Variants in TMEM70 observed in about 807,000 individuals in gnomAD.
The protein encoded by TMEM70 is transmembrane protein 70, mitochondrial.
In TMEM70, 15 loss-of-function variants were observed where a neutral mutation model predicts 20.5. The ratio of observed to expected loss-of-function variants is 0.73; its 90% CI spans 0.49 to 1.13. The LOEUF is 1.13. Among genes scored for constraint, TMEM70 ranks in the 50% most tolerant of loss-of-function variants. The pLI, the probability that TMEM70 is intolerant of heterozygous loss-of-function variation, is 0.00. For synonymous variants in TMEM70, 141 were observed against 134.2 expected (o/e 1.05, Z -0.35); for missense variants, 344 against 331.7 (o/e 1.04, Z -0.29).
chr8:73,982,189 T>C lies in TMEM70; in HGVS notation c.*568T>C, dbSNP rs1199400390. 1 of 551,554 alleles carries C rather than the reference T, an allele frequency of 1.8e-6. No individual in the cohort carries two copies. The highest frequency in any genetic ancestry group is 1.4e-5 in the South Asian group (1 of 72,350). The allele number at this position is 551,554 out of a possible 1,614,324, so 34.2% of individuals were successfully genotyped here. ...GAGGTGGCAATTCACCGAATTCATA[T>C]CACTCTAACGAGTTGCAACGTAAAA... On this transcript the variant is annotated 3_prime_UTR_variant, in exon 3 of 3. Coordinates refer to ENST00000312184, the MANE Select transcript of TMEM70 (RefSeq NM_017866.6).
chr8:73,981,344 G>A lies in TMEM70; in HGVS notation c.506G>A (p.Arg169Gln), dbSNP rs752198525. ...LHFITKGYVI[R>Q]LYHEATTDTY... Reference sequence around the variant, plus strand: ...TTTATTACAAAAGGCTATGTCATTCGATTGTACCATGAGGCCACAACAGAC... The same window carrying A: ...TTTATTACAAAAGGCTATGTCATTCAATTGTACCATGAGGCCACAACAGAC... Residue 169 changes from arginine (R) to glutamine (Q), a missense_variant, in exon 3 of 3, where the codon CGA (arginine) becomes CAA (glutamine). Physicochemically the swap from Arg to Gln is conservative, Grantham distance 43. Transcript: ENST00000312184. 9.3e-6 allele frequency: 15 copies of A among 1,614,034 alleles called. No individual in the cohort carries two copies. The highest frequency in any genetic ancestry group is 4.5e-5 in the East Asian group (2 of 44,894).
In TMEM70 at chr8:73,978,864, A is replaced by G. The variant is rs764524421; in HGVS notation, c.316+3A>G. 1 of 1,613,932 alleles carries G rather than the reference A, an allele frequency of 6.2e-7. No homozygotes were observed. The highest frequency in any genetic ancestry group is 1.1e-5 in the South Asian group (1 of 91,060). ...CAATATGGCCCGAGCAGTGTTTGGT[A>G]AGTAATTGGAGGTGGGTGTACTTAC... On this transcript the variant is annotated splice_donor_region_variant and intron_variant, in intron 2 of 2. Coordinates refer to ENST00000312184, the MANE Select transcript of TMEM70 (RefSeq NM_017866.6).
At chr8:73,980,255 A>C (rs1226211475) in intron 2 of TMEM70, among the ~76,000 whole-genome samples, 7 of 152,036 alleles carry the variant, frequency 4.6e-5, no homozygotes, top group Admixed American at 1.3e-4. Context: ...AGCCTGGCTA[A>C]TTTTTGTATT....
Position 73,981,470 on chromosome 8 carries a change from C to T in TMEM70, c.632C>T (p.Thr211Ile). 1 of 1,614,146 alleles carries T rather than the reference C, an allele frequency of 6.2e-7. No homozygotes were observed. Among genetic ancestry groups the T allele is most frequent in the Non-Finnish European group, 8.5e-7 (1 of 1,180,000 alleles). Residue 211 changes from threonine to isoleucine, a missense_variant, in exon 3 of 3, where the codon ACA becomes ATA. Coordinates refer to ENST00000312184, the MANE Select transcript of TMEM70 (RefSeq NM_017866.6). ...CCAGATGCTAAACATGTATTTACCA[C>T]ATTTTATGCTAAAACAAAATCACTG... The part of the protein sequence containing the change: ...KIPDAKHVFT[T>I]FYAKTKSLLV...
rs371606877 is a variant in TMEM70, at chr8:73,976,267, C to G, written c.-15C>G. The stretch of plus-strand genomic sequence containing the variant: ...CGTGCAGCTGGGGCGTCCGCAGCCG[C>G]TCGTCACCCGCGTGATGCTGTTTCT... On this transcript the variant is annotated 5_prime_UTR_variant, in exon 1 of 3. Coordinates refer to ENST00000312184, the MANE Select transcript of TMEM70 (RefSeq NM_017866.6). 136 of 1,597,820 alleles carry G rather than the reference C, an allele frequency of 8.5e-5. No individual in the cohort carries two copies. Among genetic ancestry groups the G allele is most frequent in the Non-Finnish European group, 1.5e-5 (18 of 1,178,676 alleles).
Position 73,982,344 on chromosome 8 carries a change from C to T in TMEM70, c.*723C>T, listed in dbSNP as rs757594797. On this transcript the variant is annotated 3_prime_UTR_variant, in exon 3 of 3. Coordinates refer to ENST00000312184, the MANE Select transcript of TMEM70 (RefSeq NM_017866.6). ...AAAACTTACGGTGAAGGTTCTAAGG[C>T]ATGGGATCGTTTCCAGATGAGAATC... 14 of 702,190 alleles carry T rather than the reference C, an allele frequency of 2.0e-5. No individual in the cohort carries two copies. Among genetic ancestry groups the T allele is most frequent in the African/African-American group, 1.4e-4 (8 of 57,896 alleles). The allele number at this position is 702,190 out of a possible 1,614,324, so 43.5% of individuals were successfully genotyped here.
At chr8:73,977,521 A>C (rs1003694183) in intron 1 of TMEM70, among the ~76,000 whole-genome samples, 1 of 152,208 alleles carries the variant, frequency 6.6e-6, no homozygotes, top group Non-Finnish European at 1.5e-5. Context: ...TAAGAGGACC[A>C]GGGGATACAC....
At chr8:73,979,718 C>T (rs1250222225) in intron 2 of TMEM70, among the ~76,000 whole-genome samples, 1 of 151,680 alleles carries the variant, frequency 6.6e-6, no homozygotes, top group African/African-American at 2.4e-5. Flanking sequence ...GTGATCCTCC[C>T]ACCTCAGCCT....
chr8:73,981,003 A>G, intron 2 of TMEM70, 152 bp from the exon 3 acceptor site: 1 of 685,616 alleles, frequency 1.5e-6, no homozygotes, highest in Admixed American at 2.7e-5. Context: ...TCCTTAAAAC[A>G]GAGCTTAGAA....
intron 1 of TMEM70, 26 bp from the exon 2 acceptor site, chr8:73,978,730 G>T: frequency 1.2e-6 from 2 of 1,608,794 alleles, no homozygotes; most frequent in South Asian, 2.2e-5. Context: ...AAGGTTAGTT[G>T]ACCATAATGA....
Position 73,976,439 on chromosome 8 carries a change from G to C in TMEM70, c.158G>C (p.Ser53Thr), listed in dbSNP as rs1815650246. ...SGPSGPVAGW[S>T]TGPSGAARLL... is the part of the protein sequence containing the mutation. ...CCTTCGGGGCCGGTAGCCGGCTGGA[G>C]TACGGGGCCTTCGGGAGCCGCGCGC... Residue 53 changes from serine (S) to threonine (T), a missense_variant, in exon 1 of 3, where the codon AGT (serine) becomes ACT (threonine). Transcript: ENST00000312184. 2.6e-6 allele frequency: 4 copies of C among 1,568,444 alleles called. No homozygotes were observed. The highest frequency in any genetic ancestry group is 1.3e-5 in the African/African-American group (1 of 74,296).
chr8:73,982,708 C>G lies in TMEM70; in HGVS notation c.*1087C>G, dbSNP rs550124331. The G allele has an allele frequency of 8.8e-6, 4 of 456,582 alleles. No homozygotes were observed. The highest frequency in any genetic ancestry group is 8.0e-5 in the African/African-American group (4 of 50,260). The allele number at this position is 456,582 out of a possible 1,614,324, so 28.3% of individuals were successfully genotyped here. A position where few individuals can be genotyped will look rare whatever the true frequency, so the allele number is the denominator to read the frequency against. ...TTGTCTTCAGTATCTTAATTTGTTT[C>G]TGCAACTGTGCACTCCTCCCTTGGT... On this transcript the variant is annotated 3_prime_UTR_variant, in exon 3 of 3. Coordinates refer to ENST00000312184, the MANE Select transcript of TMEM70 (RefSeq NM_017866.6).
intron 2 of TMEM70, among the ~76,000 whole-genome samples, chr8:73,980,555 T>C (rs952511523): frequency 1.3e-5 from 2 of 151,912 alleles, no homozygotes; most frequent in Non-Finnish European, 2.9e-5. Flanking sequence ...TTAGTAGAGA[T>C]GGGAGTTTCA....
rs1436048465 is a variant in TMEM70, at chr8:73,982,227, G to T, written c.*606G>T. On this transcript the variant is annotated 3_prime_UTR_variant, in exon 3 of 3. Transcript: ENST00000312184. ...TTGCAACGTAAAATCCCTGGATAAG[G>T]TGTGTGCTGACTTGATCTGAGGAGC... is the stretch of plus-strand genomic sequence containing the variant. 1 of 574,810 alleles carries T rather than the reference G, an allele frequency of 1.7e-6. No homozygotes were observed. 35.6% of individuals were successfully genotyped at this position (574,810 alleles called of 1,614,324 possible). A position where few individuals can be genotyped will look rare whatever the true frequency, so the allele number is the denominator to read the frequency against.
Position 73,982,334 on chromosome 8 carries a change from G to A in TMEM70, c.*713G>A, listed in dbSNP as rs867204998. 1 of 684,404 alleles carries A rather than the reference G, an allele frequency of 1.5e-6. No homozygotes were observed. Among genetic ancestry groups the A allele is most frequent in the Middle Eastern group, 4.2e-4 (1 of 2,370 alleles). 42.4% of individuals were successfully genotyped at this position (684,404 alleles called of 1,614,324 possible). ...CACTACAAGAAAAACTTACGGTGAA[G>A]GTTCTAAGGCATGGGATCGTTTCCA... On this transcript the variant is annotated 3_prime_UTR_variant, in exon 3 of 3. Coordinates refer to ENST00000312184, the MANE Select transcript of TMEM70 (RefSeq NM_017866.6).
chr8:73,979,786 T>A (rs887146382), intron 2 of TMEM70, among the ~76,000 whole-genome samples: 20 of 151,908 alleles, frequency 1.3e-4, no homozygotes. Context: ...TTTTTTTTTT[T>A]AAGCTAGTCA....
chr8:73,976,532 G>A, intron 1 of TMEM70, 41 bp downstream of exon 1: 1 of 1,471,050 alleles, frequency 6.8e-7, no homozygotes, highest in Non-Finnish European at 9.0e-7. Flanking sequence ...GAGGCGGGGA[G>A]GGCGGGCGTC....
chr8:73,976,865 G>T (rs745905099), intron 1 of TMEM70, among the ~76,000 whole-genome samples: 93 of 152,330 alleles, frequency 6.1e-4, no homozygotes, highest in Non-Finnish European at 1.1e-3. Context: ...CTTTGAGCTT[G>T]TTCTACTTTT....
At chr8:73,976,669 C>T (rs1214734637) in intron 1 of TMEM70, among the ~76,000 whole-genome samples, 178 bp downstream of exon 1, 1 of 152,240 alleles carries the variant, frequency 6.6e-6, no homozygotes, top group Non-Finnish European at 1.5e-5. Context: ...GGGTCCTCAG[C>T]CTCCGCGAGT....
Sources: gnomAD v4.1 joint callset for allele counts (sites outside exome capture counted in the v4.1 genomes callset) on GRCh38, gnomAD v4.1.1 for gene constraint, MANE v1.5 for transcripts, NCBI Gene and HGNC (gene_info 2026-07-23, HGNC 2026-07-21) for gene names.